The following PADI2 variants were observed in gnomAD, a reference collection of about 807,000 sequenced individuals.
PADI2 encodes the protein protein-arginine deiminase type-2.
In PADI2, 70 loss-of-function variants were observed where a neutral mutation model predicts 81.1. That is an observed-to-expected ratio of 0.86 (90% confidence interval 0.71 to 1.05). The LOEUF (loss-of-function observed/expected upper bound fraction) is 1.05. Ranked by LOEUF, PADI2 falls within the 50% of genes least tolerant of loss-of-function variation. PADI2 has a pLI of 0.00. For missense variants in PADI2, 853 were observed against 889.9 expected (o/e 0.96, Z 0.53); for synonymous variants, 338 against 358.0 (o/e 0.94, Z 0.63).
chr1:17,084,838 G>A, intron 7 of PADI2, 136 bp from the exon 8 acceptor site: 1 of 595,108 alleles, frequency 1.7e-6, no homozygotes, highest in South Asian at 2.0e-5. Flanking sequence ...CCTGTGCTAA[G>A]TACTTTCACA....
chr1:17,071,785 G>T (rs2078266305), intron 13 of PADI2, among the ~76,000 whole-genome samples: 1 of 152,178 alleles, frequency 6.6e-6, no homozygotes. Context: ...GCTACAAGTA[G>T]CCCCCTGGTT....
intron 1 of PADI2, among the ~76,000 whole-genome samples, chr1:17,114,421 C>T (rs969597915): frequency 6.6e-6 from 1 of 152,148 alleles, no homozygotes; most frequent in African/African-American, 2.4e-5. Flanking sequence ...GGGCTCTGCA[C>T]CCCACAGTTT....
At chr1:17,092,378 TCTAGG>T in intron 6 of PADI2, 25 bp downstream of exon 6, 1 of 1,572,544 alleles carries the variant, frequency 6.4e-7, no homozygotes. Flanking sequence ...GCTAGAAAGG[TCTAGG>T]CTGGACTGGG....
chr1:17,090,548 T>C (rs1465994583), intron 6 of PADI2, among the ~76,000 whole-genome samples: 3 of 151,470 alleles, frequency 2.0e-5, no homozygotes, highest in African/African-American at 7.3e-5. Flanking sequence ...AAAAAGAGAC[T>C]GTGCTCCTGG....
In PADI2 at chr1:17,079,363, C is replaced by T; in HGVS notation, c.1211G>A (p.Ser404Asn). Residue 404 changes from serine to asparagine, a missense_variant, in exon 11 of 16, where the codon AGC (serine) becomes AAC (asparagine). By Grantham distance (46) the Ser-to-Asn change is conservative (BLOSUM62 1). Transcript: ENST00000375486. ...CTCCAGGTTTCCAAATGAGTCAAGG[C>T]TGGTGACAGACTCAAAGAGGGGCTC... ...TREPLFESVT[S>N]LDSFGNLEVS... 1 of 1,614,058 alleles carries T rather than the reference C, an allele frequency of 6.2e-7. No individual in the cohort carries two copies. The highest frequency in any genetic ancestry group is 8.5e-7 in the Non-Finnish European group (1 of 1,179,930).
intron 10 of PADI2, among the ~76,000 whole-genome samples, chr1:17,079,674 A>G (rs796098826): frequency 4.0e-4 from 60 of 151,434 alleles, no homozygotes; most frequent in African/African-American, 1.4e-3. Flanking sequence ...GTGAGTGTGA[A>G]TGTGAGTGTG....
chr1:17,082,242 G>T (rs1192226149), intron 10 of PADI2, among the ~76,000 whole-genome samples: 1 of 152,080 alleles, frequency 6.6e-6, no homozygotes, highest in Admixed American at 6.6e-5. Context: ...AACTCATTTT[G>T]CTGCAATTTG....
chr1:17,097,013 A>G (rs1030120872), intron 3 of PADI2, among the ~76,000 whole-genome samples: 29 of 152,222 alleles, frequency 1.9e-4, no homozygotes, highest in Non-Finnish European at 3.7e-4. Flanking sequence ...GATATTGTCA[A>G]ATGTCCCTTG....
intron 9 of PADI2, chr1:17,082,875 ATT>A (rs34270969): frequency 3.5e-3 from 1,281 of 367,146 alleles, no homozygotes; most frequent in South Asian, 8.2e-3. Context: ...TATCAGCCCC[ATT>A]TTTTTTTTTT....
intron 6 of PADI2, among the ~76,000 whole-genome samples, chr1:17,090,926 G>A (rs947341473): frequency 1.8e-4 from 27 of 151,956 alleles, no homozygotes; most frequent in Admixed American, 1.6e-3. Context: ...CTCGTGTCAC[G>A]ACACCAAGGT....
At chr1:17,098,881 G>C (rs1453073690) in intron 3 of PADI2, among the ~76,000 whole-genome samples, 1 of 152,240 alleles carries the variant, frequency 6.6e-6, no homozygotes, top group Non-Finnish European at 1.5e-5. Flanking sequence ...GAACAGGGCT[G>C]GTGTGACCTG....
intron 6 of PADI2, among the ~76,000 whole-genome samples, chr1:17,088,463 C>T (rs1415526502): frequency 2.0e-5 from 3 of 152,142 alleles, no homozygotes; most frequent in Non-Finnish European, 4.4e-5. Flanking sequence ...GGATGAACCG[C>T]GAAGCCAGGG....
At chr1:17,104,124 T>C (rs926435842) in intron 2 of PADI2, among the ~76,000 whole-genome samples, 1 of 74,686 alleles carries the variant, frequency 1.3e-5, no homozygotes, top group Non-Finnish European at 2.6e-5. Context: ...CTACTAAAAA[T>C]ACAAAAAAAA....
At chr1:17,082,692 G>A (rs1284338142) in intron 9 of PADI2, 40 bp from the exon 10 acceptor site, 4 of 1,262,468 alleles carry the variant, frequency 3.2e-6, no homozygotes, top group Non-Finnish European at 4.5e-6. Flanking sequence ...CGAATCCAGG[G>A]GACAATTTGT....
At chr1:17,072,757 T>C (rs1202350194) in intron 13 of PADI2, among the ~76,000 whole-genome samples, 1 of 151,832 alleles carries the variant, frequency 6.6e-6, no homozygotes, top group Non-Finnish European at 1.5e-5. Context: ...CTATCTATTT[T>C]CTCTCTATCT....
At chr1:17,087,473 TTTTTA>T (rs1930513849) in intron 6 of PADI2, among the ~76,000 whole-genome samples, 1 of 144,144 alleles carries the variant, frequency 6.9e-6, no homozygotes, top group African/African-American at 2.6e-5. Flanking sequence ...CATCACAGTC[TTTTTA>T]TGTTTGTTTG....
chr1:17,099,150 A>G lies in PADI2; in HGVS notation c.350-3180T>C, dbSNP rs1002507949. Among the ~76,000 whole-genome samples the G allele has an allele frequency of 2.0e-5, 3 of 152,230 alleles. No homozygotes were observed. The East Asian group carries it at 5.8e-4, about 29-fold the overall frequency. ...GCCTCAGCTCTGACCGAGAGGCACA[A>G]GCATTTTGGAGGGTCGCCAGAGAGT... On this transcript the variant is annotated intron_variant, in intron 3 of 15. Coordinates refer to ENST00000375486, the MANE Select transcript of PADI2 (RefSeq NM_007365.3).
intron 6 of PADI2, among the ~76,000 whole-genome samples, chr1:17,087,013 G>A (rs935522871): frequency 6.6e-6 from 1 of 152,208 alleles, no homozygotes; most frequent in East Asian, 1.9e-4. Flanking sequence ...GGTTCCAGGG[G>A]AGGATGTAAT....
In PADI2 at chr1:17,086,570, A is replaced by T; in HGVS notation, c.785T>A (p.Phe262Tyr). 1 of 1,614,004 alleles carries T rather than the reference A, an allele frequency of 6.2e-7. No homozygotes were observed. Among genetic ancestry groups the T allele is most frequent in the Non-Finnish European group, 8.5e-7 (1 of 1,179,938 alleles). The change falls in exon 7 of 16, where the codon TTC (phenylalanine) becomes TAC (tyrosine). Residue 262 changes from phenylalanine (F) to tyrosine (Y), a missense_variant. Phe to Tyr is a conservative substitution (Grantham distance 22, BLOSUM62 3). Transcript: ENST00000375486. ...GACATGGATGGAGACCAGGCCTGAG[A>T]AGCCCTCGTCGGGGAAACAGAGGCC... ...VEGLCFPDEG[F>Y]SGLVSIHVSL...
Sources: gnomAD v4.1 joint callset for allele counts (sites outside exome capture counted in the v4.1 genomes callset) on GRCh38, gnomAD v4.1.1 for gene constraint, MANE v1.5 for transcripts, NCBI Gene and HGNC (gene_info 2026-07-23, HGNC 2026-07-21) for gene names.